Variants in FCAR observed in about 807,000 individuals in gnomAD.
FCAR encodes the protein Fc alpha receptor.
FCAR carries 21 observed loss-of-function variants against 27.1 expected under a neutral mutation model. The observed-to-expected ratio is 0.77, with a 90% confidence interval of 0.55 to 1.11. The LOEUF (loss-of-function observed/expected upper bound fraction) is 1.11, where lower values mean the gene tolerates loss of function less well. Ranked by LOEUF, FCAR falls within the 50% of genes most tolerant of loss-of-function variation. The pLI, the probability that FCAR is intolerant of heterozygous loss-of-function variation, is 0.00. For missense variants in FCAR, 404 were observed against 358.4 expected (o/e 1.13, Z -1.03); for synonymous variants, 134 against 135.8 (o/e 0.99, Z 0.09).
At chr19:54,881,432 A>T (rs1179642827) in intron 2 of FCAR, among the ~76,000 whole-genome samples, 1 of 151,772 alleles carries the variant, frequency 6.6e-6, no homozygotes, top group Admixed American at 6.6e-5. Context: ...AGAAACGCAG[A>T]CTCACAGCTG....
chr19:54,887,994 T>G lies in FCAR; in HGVS notation c.362-13T>G. ...AAAAGGTCTTTCTAATAGCTCACTC[T>G]TTTCTCTCTTAGGCTTGTATGGCAA... On this transcript the variant is annotated splice_polypyrimidine_tract_variant and intron_variant, in intron 3 of 4. Coordinates refer to ENST00000355524, the MANE Select transcript of FCAR (RefSeq NM_002000.4). The G allele has an allele frequency of 1.3e-6, 2 of 1,588,284 alleles. No individual in the cohort carries two copies. The highest frequency in any genetic ancestry group is 1.7e-6 in the Non-Finnish European group (2 of 1,165,052).
In FCAR at chr19:54,888,066, AAT is replaced by A. The variant is rs751806293; in HGVS notation, c.424_425del (p.Ile142PhefsTer12). ...GGGTCTGGTGTTGATGCCAGGAGAG[AAT>A]ATTTCCCTCACGTGCAGCTCAGCAC... ...DRGLVLMPGE[N>X]ISLTCSSAHI... On this transcript the variant is annotated frameshift_variant, in exon 4 of 5. Coordinates refer to ENST00000355524, the MANE Select transcript of FCAR (RefSeq NM_002000.4). LOFTEE classifies it high-confidence loss of function. 18 of 1,614,048 alleles carry A rather than the reference AAT, an allele frequency of 1.1e-5. No individual in the cohort carries two copies. The South Asian group carries it at 1.8e-4, about 16-fold the overall frequency.
At chr19:54,882,611 GTA>G (rs1161154298) in intron 2 of FCAR, among the ~76,000 whole-genome samples, 1 of 151,482 alleles carries the variant, frequency 6.6e-6, no homozygotes, top group African/African-American at 2.4e-5. Context: ...GCTAATTTTT[GTA>G]TGTTTAGTAG....
chr19:54,877,533 A>G (rs866577202), intron 2 of FCAR, among the ~76,000 whole-genome samples: 1 of 152,036 alleles, frequency 6.6e-6, no homozygotes, highest in South Asian at 2.1e-4. Flanking sequence ...TAATTTTTTC[A>G]AAAATTCTAC....
chr19:54,884,398 G>A (rs760479204), intron 2 of FCAR, among the ~76,000 whole-genome samples: 157 of 152,164 alleles, frequency 1.0e-3, no homozygotes, highest in Middle Eastern at 3.4e-3. Flanking sequence ...TTGGGAGGCC[G>A]AGGCAGGTGG....
rs587608627 is a variant in FCAR, at chr19:54,879,708, C to T, written c.70+4343C>T. 2.8e-3 allele frequency among the ~76,000 whole-genome samples: 405 copies of T among 145,808 alleles called. 2 individuals are homozygous for T. Among genetic ancestry groups the T allele is most frequent in the Non-Finnish European group, 4.4e-3 (295 of 67,116 alleles). ...TTTTTTTTTTTGAGACTGAGTCTTG[C>T]TCTGTTGCCCAGGCTGCCAGGCTGG... On this transcript the variant is annotated intron_variant, in intron 2 of 4. Coordinates refer to ENST00000355524, the MANE Select transcript of FCAR (RefSeq NM_002000.4).
Position 54,889,944 on chromosome 19 carries a change from C to A in FCAR, c.*81C>A. On this transcript the variant is annotated 3_prime_UTR_variant, in exon 5 of 5. Transcript: ENST00000355524. ...TTGAAGGACACAAGAGAGAAAAGCT[C>A]ACTAAGAAGCTTGAATCTACTTTTT... The A allele has an allele frequency of 2.9e-6, 3 of 1,019,530 alleles. No individual in the cohort carries two copies. Among genetic ancestry groups the A allele is most frequent in the South Asian group, 1.4e-5 (1 of 70,432 alleles). The allele number at this position is 1,019,530 out of a possible 1,614,324, so 63.2% of individuals were successfully genotyped here.
chr19:54,881,598 G>A (rs1469238364), intron 2 of FCAR, among the ~76,000 whole-genome samples: 1 of 152,096 alleles, frequency 6.6e-6, no homozygotes, highest in East Asian at 1.9e-4. Flanking sequence ...AAGGCCGGGC[G>A]CGGTGGACTC....
chr19:54,882,886 A>ATT (rs757081288), intron 2 of FCAR, among the ~76,000 whole-genome samples: 35 of 152,134 alleles, frequency 2.3e-4, no homozygotes, highest in South Asian at 4.1e-4. Flanking sequence ...TTTTCCCTTC[A>ATT]TTGTATACTG....
rs1016285861 is a variant in FCAR at position 54,890,722 on chromosome 19, C to T, written c.*859C>T. On this transcript the variant is annotated 3_prime_UTR_variant, in exon 5 of 5. Transcript: ENST00000355524. ...GGATTACAGATGTGAGCCACTGCGC[C>T]CAGCCTTCTTTTTATATTTTTAAAT... 6.6e-6 allele frequency: 1 copy of T among 152,134 alleles called. No homozygotes were observed. Among genetic ancestry groups the T allele is most frequent in the Non-Finnish European group, 1.5e-5 (1 of 68,024 alleles). The allele number at this position is 152,134 out of a possible 1,614,324, so 9.4% of individuals were successfully genotyped here.
chr19:54,888,415 G>T, intron 4 of FCAR, 121 bp downstream of exon 4: 1 of 1,470,118 alleles, frequency 6.8e-7, no homozygotes. Flanking sequence ...CTCACTCCAG[G>T]ACAGTGGAGA....
intron 4 of FCAR, among the ~76,000 whole-genome samples, chr19:54,889,234 G>A (rs1465513638): frequency 6.6e-6 from 1 of 151,154 alleles, no homozygotes; most frequent in Non-Finnish European, 1.5e-5. Flanking sequence ...ACCAGGCGTG[G>A]TGGTGGTGGG....
intron 2 of FCAR, among the ~76,000 whole-genome samples, chr19:54,882,436 CT>C (rs750724425): frequency 0.015 from 1,517 of 104,364 alleles, 23 homozygotes; most frequent in African/African-American, 0.045. Context: ...TTTTTTTTTT[CT>C]TTTTTTTTTC....
rs1486110016 is a variant in FCAR, at chr19:54,875,238, A to T, written c.35-92A>T. ...GGATTGAGCTGTGAATCCATCTGGT[A>T]CTGGTCTTTTTCTGGTCTGTCATTA... On this transcript the variant is annotated intron_variant, in intron 1 of 4. Coordinates refer to ENST00000355524, the MANE Select transcript of FCAR (RefSeq NM_002000.4). 9 of 1,002,756 alleles carry T rather than the reference A, an allele frequency of 9.0e-6. No individual in the cohort carries two copies. The Admixed American group carries it at 1.3e-4, about 14-fold the overall frequency. 62.1% of individuals were successfully genotyped at this position (1,002,756 alleles called of 1,614,324 possible). A position where few individuals can be genotyped will look rare whatever the true frequency, so the allele number is the denominator to read the frequency against.
chr19:54,888,930 T>C (rs2066907197), intron 4 of FCAR: 1 of 984,410 alleles, frequency 1.0e-6, no homozygotes, highest in African/African-American at 1.7e-5. Context: ...TGGCCGGGCG[T>C]GGTGGCGTGA....
chr19:54,887,707 A>G (rs2030798516), intron 3 of FCAR, among the ~76,000 whole-genome samples: 1 of 151,806 alleles, frequency 6.6e-6, no homozygotes, highest in South Asian at 2.1e-4. Context: ...ACCTGAGGTC[A>G]GGAGTTCGAG....
Position 54,889,977 on chromosome 19 carries a change from T to C in FCAR, c.*114T>C, listed in dbSNP as rs1367394445. ...AGCTTGAATCTACTTTTTTTTTTTT[T>C]TGAGACAGAGTCTGGCTCTGTCACC... On this transcript the variant is annotated 3_prime_UTR_variant, in exon 5 of 5. Transcript: ENST00000355524. 6.5e-6 allele frequency: 5 copies of C among 767,240 alleles called. No individual in the cohort carries two copies. The highest frequency in any genetic ancestry group is 1.1e-5 in the Non-Finnish European group (5 of 474,650). The allele number at this position is 767,240 out of a possible 1,614,324, so 47.5% of individuals were successfully genotyped here.
chr19:54,879,063 G>A (rs978330153), intron 2 of FCAR, among the ~76,000 whole-genome samples: 1 of 150,746 alleles, frequency 6.6e-6, no homozygotes, highest in Non-Finnish European at 1.5e-5. Context: ...TTTTATTAGA[G>A]ATGGGATTTC....
chr19:54,878,181 T>C (rs1485301626), intron 2 of FCAR, among the ~76,000 whole-genome samples: 1 of 152,232 alleles, frequency 6.6e-6, no homozygotes, highest in East Asian at 1.9e-4. Context: ...CTTCCCAAAG[T>C]GCTGGGATTA....
Sources: allele counts gnomAD v4.1 joint callset (sites outside exome capture counted in the v4.1 genomes callset), GRCh38; gene constraint gnomAD v4.1.1; transcripts MANE v1.5; gene names NCBI Gene and HGNC (gene_info 2026-07-23, HGNC 2026-07-21).